Variants in NRG1 observed in about 807,000 individuals in gnomAD.
The protein encoded by NRG1 is neuregulin 1, also known as pro-neuregulin-1, membrane-bound isoform.
A neutral mutation model predicts 63.8 loss-of-function variants in NRG1; 18 were observed. The ratio of observed to expected loss-of-function variants is 0.28; its 90% CI spans 0.19 to 0.42. The LOEUF (loss-of-function observed/expected upper bound fraction) is 0.42. NRG1 is among the 10% of genes least tolerant of loss of function. The pLI is 1.00. For missense variants in NRG1, 762 were observed against 814.7 expected (o/e 0.94, Z 0.79); for synonymous variants, 302 against 301.3 (o/e 1.00, Z -0.02).
chr8:32,431,409 G>C (rs1057239465), intron 1 of NRG1, among the ~76,000 whole-genome samples: 5 of 152,088 alleles, frequency 3.3e-5, no homozygotes, highest in Admixed American at 1.3e-4. Context: ...TCCTGGTCCA[G>C]CACTTATTCT....
chr8:32,016,174 C>T (rs1022780741), intron 1 of NRG1, among the ~76,000 whole-genome samples: 2 of 152,112 alleles, frequency 1.3e-5, no homozygotes, highest in African/African-American at 2.4e-5. Context: ...ATAAATAAAT[C>T]TCTCAAAGTC....
intron 1 of NRG1, among the ~76,000 whole-genome samples, chr8:32,256,025 C>T (rs1438903118): frequency 1.3e-5 from 2 of 152,150 alleles, no homozygotes; most frequent in Admixed American, 6.5e-5. Context: ...GTGTATGCTT[C>T]GCAAAGTTCT....
chr8:32,048,149 A>G (rs552715749), intron 1 of NRG1, among the ~76,000 whole-genome samples: 74 of 151,844 alleles, frequency 4.9e-4, no homozygotes, highest in African/African-American at 1.5e-3. Flanking sequence ...CCATTCATCC[A>G]CTGATGGACA....
intron 1 of NRG1, chr8:32,026,160 C>T (rs554353043): frequency 6.6e-6 from 1 of 151,388 alleles, no homozygotes; most frequent in Admixed American, 6.6e-5. Flanking sequence ...GCTCCGCCTA[C>T]CAGATTCACG....
intron 1 of NRG1, among the ~76,000 whole-genome samples, chr8:32,513,900 T>G (rs1278384907): frequency 6.6e-6 from 1 of 152,154 alleles, no homozygotes; most frequent in Non-Finnish European, 1.5e-5. Context: ...ACGGACCATC[T>G]AAATGGGAAA....
chr8:32,165,630 C>G (rs1839319337), intron 1 of NRG1, among the ~76,000 whole-genome samples: 1 of 152,110 alleles, frequency 6.6e-6, no homozygotes, highest in East Asian at 1.9e-4. Context: ...ATCAAGGAAG[C>G]AATCACAAAG....
intron 1 of NRG1, among the ~76,000 whole-genome samples, chr8:32,040,933 T>C (rs1363603048): frequency 3.3e-5 from 5 of 151,124 alleles, no homozygotes; most frequent in African/African-American, 1.2e-4. Flanking sequence ...AAAAAATTGA[T>C]TAAAAACCGG....
At chr8:32,079,180 CAT>C (rs1491198574) in intron 1 of NRG1, among the ~76,000 whole-genome samples, 3 of 151,502 alleles carry the variant, frequency 2.0e-5, no homozygotes, top group East Asian at 2.0e-4. Context: ...CACACACACA[CAT>C]ACACGCACAT....
chr8:32,258,155 C>A (rs1251384360), intron 1 of NRG1, among the ~76,000 whole-genome samples: 5 of 152,290 alleles, frequency 3.3e-5, no homozygotes, highest in African/African-American at 1.2e-4. Flanking sequence ...TTTATGCACA[C>A]TCATCTCCTG....
chr8:31,856,321 C>CT (rs1055157522), intron 1 of NRG1, among the ~76,000 whole-genome samples: 3 of 152,164 alleles, frequency 2.0e-5, no homozygotes, highest in African/African-American at 7.2e-5. Context: ...TCTTTTTATT[C>CT]TTTTTTCTCT....
chr8:32,612,084 A>T (rs1404070525), intron 3 of NRG1, among the ~76,000 whole-genome samples: 3 of 152,190 alleles, frequency 2.0e-5, no homozygotes, highest in South Asian at 2.1e-4. Flanking sequence ...TCAGTTTCTG[A>T]TAATTCTAAA....
At chr8:32,262,842 A>G (rs554111060) in intron 1 of NRG1, among the ~76,000 whole-genome samples, 1 of 152,290 alleles carries the variant, frequency 6.6e-6, no homozygotes, top group East Asian at 1.9e-4. Flanking sequence ...AAAATATGTA[A>G]ATAATAGGTT....
intron 1 of NRG1, among the ~76,000 whole-genome samples, chr8:31,683,767 C>T (rs13257203): frequency 0.43 from 65,967 of 151,830 alleles, 14,940 homozygotes; most frequent in Admixed American, 0.49. Flanking sequence ...GGATGACCAT[C>T]GTGAGGGAAG....
chr8:32,178,724 G>T (rs942946122), intron 1 of NRG1, among the ~76,000 whole-genome samples: 3 of 152,174 alleles, frequency 2.0e-5, no homozygotes, highest in African/African-American at 7.2e-5. Flanking sequence ...CAAATTCTAT[G>T]TGGTGGTGGC....
intron 1 of NRG1, among the ~76,000 whole-genome samples, chr8:32,019,523 A>G (rs1816108485): frequency 6.6e-6 from 1 of 152,186 alleles, no homozygotes; most frequent in African/African-American, 2.4e-5. Flanking sequence ...TTTGATGTAC[A>G]AAATTTCTTT....
chr8:32,085,627 A>G (rs1404685612), intron 1 of NRG1, among the ~76,000 whole-genome samples: 1 of 152,086 alleles, frequency 6.6e-6, no homozygotes. Context: ...TCACTGGACA[A>G]TTTTTCTTTC....
At chr8:32,376,285 C>T (rs1174398262) in intron 1 of NRG1, among the ~76,000 whole-genome samples, 2 of 152,208 alleles carry the variant, frequency 1.3e-5, no homozygotes, top group Non-Finnish European at 2.9e-5. Flanking sequence ...TCACAGATCG[C>T]TCTGGCCATT....
At chr8:32,710,648 A>G (rs1817578982) in intron 5 of NRG1, among the ~76,000 whole-genome samples, 2 of 152,198 alleles carry the variant, frequency 1.3e-5, no homozygotes, top group Non-Finnish European at 2.9e-5. Flanking sequence ...TAAAAGGAAA[A>G]TGATGTTAAT....
chr8:32,164,009 G>A (rs1401986121), intron 1 of NRG1, among the ~76,000 whole-genome samples: 2 of 152,178 alleles, frequency 1.3e-5, no homozygotes, highest in East Asian at 1.9e-4. Context: ...GTATATGTAC[G>A]TGTGTGAATG....
Sources: gnomAD v4.1 joint callset for allele counts (sites outside exome capture counted in the v4.1 genomes callset) on GRCh38, gnomAD v4.1.1 for gene constraint, MANE v1.5 for transcripts, NCBI Gene and HGNC (gene_info 2026-07-23, HGNC 2026-07-21) for gene names.